ATG10: variants seen among roughly 807,000 people sequenced by gnomAD.
ATG10 encodes the protein autophagy related 10.
A neutral mutation model predicts 32.1 loss-of-function variants in ATG10; 30 were observed. The observed-to-expected ratio is 0.94, with a 90% CI of 0.70 to 1.27. The LOEUF is 1.27. Among genes scored for constraint, ATG10 ranks in the 50% most tolerant of loss-of-function variants. The pLI is 0.00. For synonymous variants in ATG10, 87 were observed against 91.5 expected (o/e 0.95, Z 0.28); for missense variants, 233 against 262.3 (o/e 0.89, Z 0.77).
At chr5:82,206,710 A>G (rs2149972275) in intron 5 of ATG10, among the ~76,000 whole-genome samples, 1 of 152,232 alleles carries the variant, frequency 6.6e-6, no homozygotes, top group Middle Eastern at 3.4e-3. Flanking sequence ...ATCCTTAATT[A>G]TCACACAACT....
intron 2 of ATG10, among the ~76,000 whole-genome samples, chr5:82,057,455 A>G (rs1763639181): frequency 6.6e-6 from 1 of 152,082 alleles, no homozygotes; most frequent in African/African-American, 2.4e-5. Flanking sequence ...GGCAATCTTT[A>G]GCTCCTAGAT....
intron 3 of ATG10, among the ~76,000 whole-genome samples, chr5:82,077,663 G>T (rs1045545611): frequency 1.3e-5 from 2 of 152,078 alleles, no homozygotes; most frequent in African/African-American, 4.8e-5. Flanking sequence ...GTTCTCCAGT[G>T]CTGAGCCTGA....
chr5:81,988,179 C>G (rs889750061), intron 2 of ATG10, among the ~76,000 whole-genome samples: 1 of 152,222 alleles, frequency 6.6e-6, no homozygotes, highest in Non-Finnish European at 1.5e-5. Context: ...CTCTGTCCCC[C>G]ACGCTGGAGT....
intron 3 of ATG10, among the ~76,000 whole-genome samples, chr5:82,146,869 TA>T (rs1581741561): frequency 6.6e-6 from 1 of 152,350 alleles, no homozygotes; most frequent in East Asian, 1.9e-4. Flanking sequence ...TTGAAGTTTT[TA>T]TTTGACATTT....
intron 2 of ATG10, among the ~76,000 whole-genome samples, chr5:81,995,770 G>T (rs1331801018): frequency 2.0e-5 from 3 of 152,230 alleles, no homozygotes; most frequent in African/African-American, 7.2e-5. Flanking sequence ...AGCTGATGAA[G>T]AAATGTCCTA....
At chr5:82,078,298 T>G (rs1431533188) in intron 3 of ATG10, 3 of 152,284 alleles carry the variant, frequency 2.0e-5, no homozygotes, top group South Asian at 4.1e-4. Context: ...TTTACCTGAT[T>G]GGAGTTACTT....
intron 5 of ATG10, among the ~76,000 whole-genome samples, chr5:82,180,529 C>T (rs1250202379): frequency 2.0e-5 from 3 of 152,048 alleles, no homozygotes; most frequent in African/African-American, 7.2e-5. Context: ...TTTGGATTAA[C>T]CTTTAAGTAT....
intron 3 of ATG10, among the ~76,000 whole-genome samples, chr5:82,113,121 A>G (rs1765668540): frequency 6.6e-6 from 1 of 151,900 alleles, no homozygotes; most frequent in South Asian, 2.1e-4. Context: ...AAAGTCACAG[A>G]CGCCGTTTGT....
intron 3 of ATG10, among the ~76,000 whole-genome samples, chr5:82,112,155 G>A (rs1336557707): frequency 6.6e-6 from 1 of 151,910 alleles, no homozygotes; most frequent in Non-Finnish European, 1.5e-5. Flanking sequence ...GGATGTGTAT[G>A]TATTATCCTT....
chr5:82,118,385 TAC>T (rs1212390121), intron 3 of ATG10, among the ~76,000 whole-genome samples: 3 of 53,110 alleles, frequency 5.6e-5, no homozygotes, highest in Non-Finnish European at 1.1e-4. Flanking sequence ...ATAATATATG[TAC>T]ATATATATAT....
intron 2 of ATG10, among the ~76,000 whole-genome samples, chr5:82,047,131 C>T (rs1763257483): frequency 6.6e-6 from 1 of 151,982 alleles, no homozygotes; most frequent in South Asian, 2.1e-4. Context: ...AAATAACTTT[C>T]GATAGCAGGC....
intron 5 of ATG10, among the ~76,000 whole-genome samples, chr5:82,211,180 G>A (rs981507276): frequency 2.0e-5 from 3 of 152,084 alleles, no homozygotes; most frequent in African/African-American, 7.2e-5. Context: ...GTGCATGATG[G>A]GATTCTAAAA....
chr5:82,100,000 GTTTT>G (rs869311526), intron 3 of ATG10, among the ~76,000 whole-genome samples: 5 of 58,940 alleles, frequency 8.5e-5, no homozygotes, highest in Non-Finnish European at 1.2e-4. Flanking sequence ...CTTTTTCTGT[GTTTT>G]TTTTTTTTTT....
chr5:82,154,400 A>G (rs1427552214), intron 3 of ATG10, among the ~76,000 whole-genome samples: 2 of 152,214 alleles, frequency 1.3e-5, no homozygotes, highest in Admixed American at 6.5e-5. Flanking sequence ...TTTTGAATGA[A>G]TGTATGATTA....
intron 2 of ATG10, among the ~76,000 whole-genome samples, chr5:81,991,226 A>C (rs1323872157): frequency 1.3e-5 from 2 of 152,154 alleles, no homozygotes; most frequent in African/African-American, 4.8e-5. Context: ...TAAACCTTTC[A>C]TTGTATTATG....
chr5:82,197,698 A>G (rs942006723), intron 5 of ATG10, among the ~76,000 whole-genome samples: 1 of 150,174 alleles, frequency 6.7e-6, no homozygotes, highest in Non-Finnish European at 1.5e-5. Context: ...TCTCTGTCCC[A>G]TTATTTTCTT....
intron 5 of ATG10, among the ~76,000 whole-genome samples, chr5:82,194,603 C>T (rs1744783260): frequency 6.6e-6 from 1 of 152,112 alleles, no homozygotes; most frequent in South Asian, 2.1e-4. Context: ...CCAGGCCTAC[C>T]TTTTCATCTG....
chr5:82,154,768 G>T (rs1397898924), intron 3 of ATG10, among the ~76,000 whole-genome samples: 1 of 152,236 alleles, frequency 6.6e-6, no homozygotes, highest in Non-Finnish European at 1.5e-5. Context: ...CAAGCATAGT[G>T]CCTGGCACGT....
intron 2 of ATG10, among the ~76,000 whole-genome samples, chr5:82,053,116 G>T: frequency 6.6e-6 from 1 of 152,002 alleles, no homozygotes; most frequent in East Asian, 1.9e-4. Flanking sequence ...GTATGAGAGT[G>T]CCTGCTTGTT....
Sources: gnomAD v4.1 joint callset for allele counts (sites outside exome capture counted in the v4.1 genomes callset) on GRCh38, gnomAD v4.1.1 for gene constraint, MANE v1.5 for transcripts, NCBI Gene and HGNC (gene_info 2026-07-23, HGNC 2026-07-21) for gene names.